Variants in ADAMTS6 observed in about 807,000 individuals in gnomAD.
ADAMTS6 encodes ADAM metallopeptidase with thrombospondin type 1 motif 6, also known as A disintegrin and metalloproteinase with thrombospondin motifs 6.
A neutral mutation model predicts 144.3 loss-of-function variants in ADAMTS6; 23 were observed. The observed-to-expected ratio is 0.16, with a 90% CI of 0.11 to 0.23. ADAMTS6 has a LOEUF of 0.23. Among genes scored for constraint, ADAMTS6 ranks in the 10% least tolerant of loss-of-function variants. The probability of loss-of-function intolerance (pLI) is 1.00; values close to 1 mark genes in which losing one functional copy is unlikely to be tolerated. For missense variants in ADAMTS6, 999 were observed against 1,379.6 expected, an observed-to-expected ratio of 0.72 and a Z score of 4.37; for synonymous variants, 444 against 457.5, an observed-to-expected ratio of 0.97 and a Z score of 0.38.
intron 10 of ADAMTS6, among the ~76,000 whole-genome samples, chr5:65,299,776 T>A (rs1743183758): frequency 1.3e-5 from 2 of 151,968 alleles, no homozygotes; most frequent in South Asian, 4.1e-4. Flanking sequence ...CCCACTTACA[T>A]CCTTACTCCA....
In ADAMTS6 at chr5:65,348,997, A is replaced by G. The variant is rs114904376; in HGVS notation, c.1074-14912T>C. 8.8e-3 allele frequency among the ~76,000 whole-genome samples: 1,346 copies of G among 152,238 alleles called. 21 individuals are homozygous for G. Among genetic ancestry groups the G allele is most frequent in the African/African-American group, 0.031 (1,270 of 41,560 alleles). On this transcript the variant is annotated intron_variant, in intron 7 of 24. Coordinates refer to ENST00000381055, the MANE Select transcript of ADAMTS6 (RefSeq NM_197941.4). Reference sequence around the variant, plus strand: ...CTACATCTAAAATTTTTTCTTTCCAAATTTTTACTACAGTATTATTTTAGT... The same window carrying G: ...CTACATCTAAAATTTTTTCTTTCCAGATTTTTACTACAGTATTATTTTAGT...
At chr5:65,252,801 G>C (rs2112550570) in intron 14 of ADAMTS6, among the ~76,000 whole-genome samples, 1 of 145,054 alleles carries the variant, frequency 6.9e-6, no homozygotes, top group South Asian at 2.1e-4. Flanking sequence ...AGACTGGGTT[G>C]CAAGGTCCTA....
At chr5:65,417,897 A>G (rs1202464519) in intron 7 of ADAMTS6, among the ~76,000 whole-genome samples, 2 of 152,210 alleles carry the variant, frequency 1.3e-5, no homozygotes, top group East Asian at 1.9e-4. Flanking sequence ...TATGGATCCA[A>G]AAAGGGCCCA....
chr5:65,448,619 G>T (rs911392223), intron 7 of ADAMTS6, among the ~76,000 whole-genome samples: 1 of 151,536 alleles, frequency 6.6e-6, no homozygotes, highest in African/African-American at 2.4e-5. Flanking sequence ...CGCCTGGCTA[G>T]TTTTTTTTGT....
intron 7 of ADAMTS6, among the ~76,000 whole-genome samples, chr5:65,394,071 A>T (rs550589472): frequency 2.0e-4 from 30 of 152,334 alleles, no homozygotes; most frequent in African/African-American, 7.2e-4. Context: ...TCTCCCATCC[A>T]CATATAATGT....
intron 7 of ADAMTS6, among the ~76,000 whole-genome samples, chr5:65,346,712 A>G (rs1343015523): frequency 6.6e-6 from 1 of 151,750 alleles, no homozygotes; most frequent in Non-Finnish European, 1.5e-5. Flanking sequence ...AAGACATAAA[A>G]TCGTCTCTGC....
intron 1 of ADAMTS6, among the ~76,000 whole-genome samples, chr5:65,480,896 T>C (rs1043632061): frequency 6.6e-6 from 1 of 152,194 alleles, no homozygotes; most frequent in African/African-American, 2.4e-5. Flanking sequence ...GCATAAAATA[T>C]GCACTTGTCT....
intron 7 of ADAMTS6, among the ~76,000 whole-genome samples, chr5:65,378,942 GA>G (rs908293929): frequency 6.6e-5 from 10 of 151,812 alleles, no homozygotes; most frequent in Admixed American, 6.6e-5. Context: ...TTTTAAAAAG[GA>G]ATCTCAAGAG....
intron 7 of ADAMTS6, among the ~76,000 whole-genome samples, chr5:65,385,680 T>TA (rs1310114591): frequency 1.3e-5 from 2 of 152,232 alleles, no homozygotes; most frequent in Non-Finnish European, 2.9e-5. Context: ...AATAAATTTC[T>TA]AAAGCATGAG....
intron 15 of ADAMTS6, among the ~76,000 whole-genome samples, chr5:65,233,775 G>A (rs1411394681): frequency 4.6e-5 from 7 of 151,882 alleles, no homozygotes; most frequent in African/African-American, 1.5e-4. Context: ...AATAGAAAAA[G>A]CAATCCTAAA....
chr5:65,291,592 C>G, intron 10 of ADAMTS6, 122 bp from the exon 11 acceptor site: 1 of 1,032,628 alleles, frequency 9.7e-7, no homozygotes, highest in East Asian at 2.9e-5. Context: ...TACATTCTCC[C>G]AATAAATAAT....
chr5:65,378,266 A>C (rs1751731295), intron 7 of ADAMTS6, among the ~76,000 whole-genome samples: 1 of 152,054 alleles, frequency 6.6e-6, no homozygotes, highest in African/African-American at 2.4e-5. Context: ...TATTCTACAG[A>C]TTTTTCTTCC....
intron 7 of ADAMTS6, among the ~76,000 whole-genome samples, chr5:65,428,044 GGTGA>G (rs1361404617): frequency 6.6e-6 from 1 of 151,722 alleles, no homozygotes; most frequent in Non-Finnish European, 1.5e-5. Flanking sequence ...TGGCCAACAT[GGTGA>G]AAGCCCGTCT....
chr5:65,446,892 G>A (rs1257464218), intron 7 of ADAMTS6, among the ~76,000 whole-genome samples: 4 of 152,036 alleles, frequency 2.6e-5, no homozygotes, highest in Non-Finnish European at 5.9e-5. Context: ...AATGATGATT[G>A]CACAACTCTG....
Position 65,329,375 on chromosome 5 carries a change from C to A in ADAMTS6, c.1223+3G>T, listed in dbSNP as rs1478428727. 6.2e-7 allele frequency: 1 copy of A among 1,610,462 alleles called. No individual in the cohort carries two copies. The highest frequency in any genetic ancestry group is 8.5e-7 in the Non-Finnish European group (1 of 1,178,430). On this transcript the variant is annotated splice_donor_region_variant and intron_variant, in intron 9 of 24. Coordinates refer to ENST00000381055, the MANE Select transcript of ADAMTS6 (RefSeq NM_197941.4). Reference sequence around the variant, plus strand: ...TTATTTTGATTTTCTTAAACTCACTCACTTGTGACCAATCTCATGTGCAAT... The same window carrying A: ...TTATTTTGATTTTCTTAAACTCACTAACTTGTGACCAATCTCATGTGCAAT...
At chr5:65,296,830 C>A (rs1742885941) in intron 10 of ADAMTS6, among the ~76,000 whole-genome samples, 1 of 152,168 alleles carries the variant, frequency 6.6e-6, no homozygotes. Context: ...GGATCTTTGA[C>A]AGTTCAAAAA....
Position 65,329,400 on chromosome 5 carries a change from T to C in ADAMTS6, c.1201A>G (p.Ile401Val), listed in dbSNP as rs1429382856. Residue 401 changes from isoleucine (I) to valine (V), a missense_variant, in exon 9 of 25, where the codon ATT becomes GTT. Around this residue, in one of 3 missense-constraint regions of ADAMTS6, gnomAD observed 128 missense variants for 249.0 expected, o/e 0.51. Coordinates refer to ENST00000381055, the MANE Select transcript of ADAMTS6 (RefSeq NM_197941.4). ...CACTTGTGACCAATCTCATGTGCAA[T>C]GGTAAAAGCTGAACCCAGGCCAATG... ...EDIGLGSAFTIAHEIGHNFGM... is the reference protein window; with the variant it reads ...EDIGLGSAFTVAHEIGHNFGM... 6.2e-7 allele frequency: 1 copy of C among 1,612,432 alleles called. No individual in the cohort carries two copies. The highest frequency in any genetic ancestry group is 8.5e-7 in the Non-Finnish European group (1 of 1,179,170).
chr5:65,214,686 T>G lies in ADAMTS6; in HGVS notation c.2575+108A>C. 1 of 1,537,264 alleles carries G rather than the reference T, an allele frequency of 6.5e-7. No individual in the cohort carries two copies. The highest frequency in any genetic ancestry group is 8.9e-7 in the Non-Finnish European group (1 of 1,118,612). On this transcript the variant is annotated intron_variant, in intron 20 of 24. Transcript: ENST00000381055. This position sits in a 1 kb window ranked among gnomAD's most constrained non-coding sequence, Gnocchi z 4.6. Reference sequence around the variant, plus strand: ...GCTAAATTACAGCTTGAAGCAAACCTGCAAGAAATGTTTCCAATTAGCTTT... The same window carrying G: ...GCTAAATTACAGCTTGAAGCAAACCGGCAAGAAATGTTTCCAATTAGCTTT...
intron 7 of ADAMTS6, among the ~76,000 whole-genome samples, chr5:65,401,742 T>TCTCA (rs1221038276): frequency 1.3e-5 from 2 of 152,222 alleles, no homozygotes; most frequent in Non-Finnish European, 2.9e-5. Flanking sequence ...TGTCCTGTGA[T>TCTCA]CTCACTTCTC....
Sources: allele counts gnomAD v4.1 joint callset (sites outside exome capture counted in the v4.1 genomes callset), GRCh38; gene constraint gnomAD v4.1.1; regional missense constraint gnomAD v4.1.1; non-coding constraint Gnocchi (gnomAD v3.1); transcripts MANE v1.5; gene names NCBI Gene and HGNC (gene_info 2026-07-23, HGNC 2026-07-21).